Variants in ACSF2 observed in about 807,000 individuals in gnomAD.
ACSF2 encodes the protein acyl-CoA synthetase family member 2, also known as medium-chain acyl-CoA ligase ACSF2, mitochondrial.
Under a neutral mutation model 79.3 loss-of-function variants are expected in ACSF2, and 52 were observed. The observed-to-expected ratio is 0.66, with a 90% confidence interval of 0.53 to 0.83. The LOEUF (loss-of-function observed/expected upper bound fraction) is 0.83, where lower values mean the gene tolerates loss of function less well. Among genes scored for constraint, ACSF2 ranks in the 40% least tolerant of loss-of-function variants. ACSF2 has a pLI of 0.00. For synonymous variants in ACSF2, 283 were observed against 312.6 expected, an observed-to-expected ratio of 0.91 and a Z score of 1.00; for missense variants, 661 against 803.3, an observed-to-expected ratio of 0.82 and a Z score of 2.14.
intron 9 of ACSF2, 29 bp from the exon 10 acceptor site, chr17:50,464,189 G>A (rs532147123): frequency 1.2e-6 from 2 of 1,610,286 alleles, no homozygotes; most frequent in African/African-American, 1.3e-5. Context: ...GAGAATTGGG[G>A]AGCTGTGTCA....
chr17:50,465,192 T>C (rs2032619173), intron 10 of ACSF2: 4 of 1,397,806 alleles, frequency 2.9e-6, no homozygotes, highest in Non-Finnish European at 3.9e-6. Flanking sequence ...AAATGGAGGG[T>C]CTGCCTGACC....
At chr17:50,442,040 C>A (rs760836100) in intron 1 of ACSF2, among the ~76,000 whole-genome samples, 34 of 152,068 alleles carry the variant, frequency 2.2e-4, no homozygotes, top group Non-Finnish European at 4.1e-4. Context: ...CACGGTGGCT[C>A]ACACCTGTAA....
chr17:50,451,911 A>T (rs1412398454), intron 1 of ACSF2, among the ~76,000 whole-genome samples: 1 of 152,204 alleles, frequency 6.6e-6, no homozygotes, highest in Non-Finnish European at 1.5e-5. Flanking sequence ...TTTTTAATTC[A>T]TTCATTTGGT....
chr17:50,439,530 T>C (rs995726752), intron 1 of ACSF2, among the ~76,000 whole-genome samples: 5 of 152,202 alleles, frequency 3.3e-5, no homozygotes, highest in African/African-American at 1.2e-4. Context: ...TAGCAGTCCA[T>C]GCTATTACTA....
intron 1 of ACSF2, among the ~76,000 whole-genome samples, chr17:50,452,510 C>G (rs991882377): frequency 1.5e-5 from 2 of 129,584 alleles, no homozygotes; most frequent in Non-Finnish European, 3.2e-5. Flanking sequence ...AAAGAAGTGT[C>G]GGGTCGAGGG....
At chr17:50,434,492 G>A (rs2030220371) in intron 1 of ACSF2, among the ~76,000 whole-genome samples, 1 of 152,018 alleles carries the variant, frequency 6.6e-6, no homozygotes, top group South Asian at 2.1e-4. Flanking sequence ...TTCAAGACCA[G>A]CCTGGCCAAC....
intron 1 of ACSF2, among the ~76,000 whole-genome samples, chr17:50,442,564 C>G (rs1005178818): frequency 1.1e-4 from 16 of 152,042 alleles, no homozygotes; most frequent in Non-Finnish European, 2.4e-4. Flanking sequence ...CTACTAGGCT[C>G]AATCAAACAT....
At chr17:50,441,309 C>A (rs190658807) in intron 1 of ACSF2, among the ~76,000 whole-genome samples, 1 of 152,268 alleles carries the variant, frequency 6.6e-6, no homozygotes, top group African/African-American at 2.4e-5. Flanking sequence ...TAGCTGGGAC[C>A]ACAGGTATGC....
intron 3 of ACSF2, 116 bp from the exon 4 acceptor site, chr17:50,461,517 G>T: frequency 1.3e-6 from 2 of 1,587,148 alleles, no homozygotes; most frequent in Non-Finnish European, 1.7e-6. Context: ...CACCAAGGAG[G>T]TCTCTGGGAG....
At chr17:50,440,943 C>G (rs546065848) in intron 1 of ACSF2, among the ~76,000 whole-genome samples, 1 of 152,234 alleles carries the variant, frequency 6.6e-6, no homozygotes, top group Non-Finnish European at 1.5e-5. Context: ...TGCTCAAGGA[C>G]TGCCAAGTGG....
intron 1 of ACSF2, among the ~76,000 whole-genome samples, chr17:50,444,150 TCAGA>T (rs940817313): frequency 6.6e-6 from 1 of 152,232 alleles, no homozygotes; most frequent in African/African-American, 2.4e-5. Flanking sequence ...TATTACAGTA[TCAGA>T]CAGGTTGAAT....
intron 1 of ACSF2, among the ~76,000 whole-genome samples, chr17:50,429,425 A>T (rs1290301544): frequency 1.3e-5 from 2 of 151,786 alleles, no homozygotes; most frequent in Admixed American, 6.6e-5. Flanking sequence ...GATTGCCAAG[A>T]TGGTGACTTC....
At chr17:50,443,450 GTA>G (rs2031084329) in intron 1 of ACSF2, among the ~76,000 whole-genome samples, 1 of 152,182 alleles carries the variant, frequency 6.6e-6, no homozygotes, top group South Asian at 2.1e-4. Flanking sequence ...AAGCTCTTAA[GTA>G]TCAGATTTTG....
chr17:50,467,592 G>A (rs1171558278), intron 10 of ACSF2, among the ~76,000 whole-genome samples: 2 of 152,150 alleles, frequency 1.3e-5, no homozygotes, highest in Non-Finnish European at 2.9e-5. Context: ...CCAGGAACAG[G>A]GTCTCTTTGT....
intron 1 of ACSF2, chr17:50,427,116 G>A: frequency 3.4e-6 from 3 of 888,964 alleles, no homozygotes; most frequent in Non-Finnish European, 5.2e-6. Context: ...GCACCACTGG[G>A]GAGCCCTGTG....
chr17:50,438,887 G>A (rs2143541635), intron 1 of ACSF2, among the ~76,000 whole-genome samples: 1 of 152,166 alleles, frequency 6.6e-6, no homozygotes, highest in South Asian at 2.1e-4. Flanking sequence ...TCAATCTAAG[G>A]TTGATTGAAT....
intron 1 of ACSF2, among the ~76,000 whole-genome samples, chr17:50,459,957 C>T (rs1022163989): frequency 6.6e-6 from 1 of 152,216 alleles, no homozygotes; most frequent in Non-Finnish European, 1.5e-5. Flanking sequence ...CAGCCAGCTT[C>T]TTAATTCCCT....
chr17:50,432,502 C>T (rs2030017338), intron 1 of ACSF2, among the ~76,000 whole-genome samples: 1 of 152,170 alleles, frequency 6.6e-6, no homozygotes, highest in Non-Finnish European at 1.5e-5. Flanking sequence ...GTGGACAGGC[C>T]TGAGCTTATG....
chr17:50,429,396 C>T (rs1915318780), intron 1 of ACSF2, among the ~76,000 whole-genome samples: 1 of 152,126 alleles, frequency 6.6e-6, no homozygotes, highest in Admixed American at 6.5e-5. Context: ...TTTCTGGAAC[C>T]CAATTATTTC....
Sources: allele counts gnomAD v4.1 joint callset (sites outside exome capture counted in the v4.1 genomes callset), GRCh38; gene constraint gnomAD v4.1.1; transcripts MANE v1.5; gene names NCBI Gene and HGNC (gene_info 2026-07-23, HGNC 2026-07-21).